The following APMAP variants were observed in gnomAD, a reference collection of about 807,000 sequenced individuals.
APMAP encodes adipocyte plasma membrane-associated protein.
Under a neutral mutation model 43.6 loss-of-function variants are expected in APMAP, and 33 were observed. The ratio of observed to expected loss-of-function variants is 0.76; its 90% CI spans 0.57 to 1.01. The LOEUF (loss-of-function observed/expected upper bound fraction) is 1.01. APMAP is among the 50% of genes least tolerant of loss of function. The pLI, the probability that APMAP is intolerant of heterozygous loss-of-function variation, is 0.00. For missense variants in APMAP, 498 were observed against 540.7 expected, an observed-to-expected ratio of 0.92 and a Z score of 0.78; for synonymous variants, 224 against 216.7, an observed-to-expected ratio of 1.03 and a Z score of -0.30.
intron 2 of APMAP, among the ~76,000 whole-genome samples, chr20:24,979,362 T>C (rs890828963): frequency 7.9e-5 from 12 of 152,166 alleles, no homozygotes; most frequent in African/African-American, 2.9e-4. Context: ...CACCGTCCCA[T>C]GGTCCAGCAC....
chr20:24,969,015 G>T lies in APMAP; in HGVS notation c.918C>A (p.Asp306Glu), dbSNP rs761546474. The change falls in exon 8 of 9, where the codon GAC becomes GAA. Residue 306 changes from aspartate to glutamate, a missense_variant. Physicochemically the swap from Asp to Glu is conservative, Grantham distance 45. Transcript: ENST00000217456. The stretch of plus-strand genomic sequence containing the variant: ...CCCCAGAGCTGCTGGGCCGGATGTT[G>T]TCTGGAAATCCAGGCATGTTCTCCA... ...LFVENMPGFP[D>E]NIRPSSSGGY... The T allele has an allele frequency of 4.3e-6, 7 of 1,613,796 alleles. No homozygotes were observed. In the African/African-American group the frequency reaches 6.7e-5, roughly 15 times the overall value.
chr20:24,984,015 A>T lies in APMAP; in HGVS notation c.100T>A (p.Phe34Ile). 8 of 1,609,734 alleles carry T rather than the reference A, an allele frequency of 5.0e-6. No individual in the cohort carries two copies. Among genetic ancestry groups the T allele is most frequent in the Non-Finnish European group, 6.8e-6 (8 of 1,176,200 alleles). ...QAPEAKDGSS[F>I]SGRVFRVTFL... ...GTCACTCGGAAAACTCTGCCGCTAA[A>T]GGAGCTGCCAGAAATAAAAGATACA... is the stretch of plus-strand genomic sequence containing the variant. Residue 34 changes from phenylalanine to isoleucine, a missense_variant, in exon 2 of 9, where the codon TTT becomes ATT. Phe to Ile is a conservative substitution (Grantham distance 21, BLOSUM62 0). Transcript: ENST00000217456.
chr20:24,964,587 C>G (rs922607468), intron 8 of APMAP, among the ~76,000 whole-genome samples: 1 of 152,116 alleles, frequency 6.6e-6, no homozygotes, highest in African/African-American at 2.4e-5. Flanking sequence ...TCCTGAGGGA[C>G]GCCTACAGGG....
intron 2 of APMAP, among the ~76,000 whole-genome samples, chr20:24,981,334 C>T (rs537762945): frequency 1.3e-4 from 20 of 152,348 alleles, no homozygotes; most frequent in Admixed American, 1.0e-3. Context: ...TGTATGATCA[C>T]GGATGGCTGG....
In APMAP at chr20:24,963,656, C is replaced by T. The variant is rs1243503816; in HGVS notation, c.*157G>A. ...AGCCCAGGTGGGGCCCGGGCATCCTCGAGGAATGAAGCAGCCATTCCCACC... is the reference window on the plus strand; with the variant it reads ...AGCCCAGGTGGGGCCCGGGCATCCTTGAGGAATGAAGCAGCCATTCCCACC... On this transcript the variant is annotated 3_prime_UTR_variant, in exon 9 of 9. Coordinates refer to ENST00000217456, the MANE Select transcript of APMAP (RefSeq NM_020531.3). 1.4e-5 allele frequency: 11 copies of T among 768,690 alleles called. No homozygotes were observed. The highest frequency in any genetic ancestry group is 1.0e-4 in the African/African-American group (6 of 57,374). 47.6% of individuals were successfully genotyped at this position (768,690 alleles called of 1,614,324 possible).
At chr20:24,973,495 G>A in intron 4 of APMAP, 150 bp downstream of exon 4, 1 of 714,064 alleles carries the variant, frequency 1.4e-6, no homozygotes, top group Non-Finnish European at 2.2e-6. Context: ...GGCAAATGAA[G>A]AGCTCGTAGT....
intron 4 of APMAP, 118 bp downstream of exon 4, chr20:24,973,526 AG>A (rs66649227): frequency 0.52 from 498,919 of 958,390 alleles, 135,746 homozygotes; most frequent in East Asian, 0.92. Context: ...TCCATCTACT[AG>A]ATGGTCAGAG....
chr20:24,978,999 G>C (rs2088077059), intron 2 of APMAP, 117 bp from the exon 3 acceptor site: 1 of 750,874 alleles, frequency 1.3e-6, no homozygotes, highest in Non-Finnish European at 2.3e-6. Flanking sequence ...AACATCCTCA[G>C]TTGCCAGAAA....
Position 24,964,005 on chromosome 20 carries a change from C to A in APMAP, c.1059G>T (p.Thr353=), listed in dbSNP as rs11550622. 1,733 of 1,614,194 alleles carry A rather than the reference C, an allele frequency of 1.1e-3. 22 individuals are homozygous for A. The African/African-American group carries it at 0.021, about 20-fold the overall frequency. The change falls in exon 9 of 9, where the codon ACG becomes ACT. Residue 353 remains threonine, a synonymous_variant. Transcript: ENST00000217456. The part of the protein sequence containing the change: ...RMIFKLFSQE[T]VMKFVPRYSL... ...TGTACCGCGGCACAAACTTCATCAC[C>A]GTCTCTTGACTAAAGAGCTAGAGGG...
intron 4 of APMAP, 145 bp from the exon 5 acceptor site, chr20:24,971,721 C>T (rs1319786166): frequency 2.7e-6 from 2 of 738,252 alleles, no homozygotes; most frequent in Non-Finnish European, 4.7e-6. Context: ...CTACAACTGC[C>T]CTGCAGGTGC....
At chr20:24,980,879 C>T (rs903671604) in intron 2 of APMAP, among the ~76,000 whole-genome samples, 4 of 152,252 alleles carry the variant, frequency 2.6e-5, no homozygotes, top group Admixed American at 6.5e-5. Context: ...CACCTCTACA[C>T]GCCAGGCAGC....
intron 1 of APMAP, among the ~76,000 whole-genome samples, chr20:24,990,930 AG>A: frequency 6.6e-6 from 1 of 152,380 alleles, no homozygotes; most frequent in South Asian, 2.1e-4. Context: ...GTTCATGGAC[AG>A]GGAAGTCAAG....
rs551862951 is a variant in APMAP, at chr20:24,968,993, C to G, written c.940G>C (p.Gly314Arg). The change falls in exon 8 of 9, where the codon GGG becomes CGG. Residue 314 changes from glycine (G) to arginine (R), a missense_variant. Gly to Arg is a moderately radical substitution (Grantham distance 125). Coordinates refer to ENST00000217456, the MANE Select transcript of APMAP (RefSeq NM_020531.3). The stretch of plus-strand genomic sequence containing the variant: ...GTCGACATGCCCACCCAGTACCCCC[C>G]AGAGCTGCTGGGCCGGATGTTGTCT... ...FPDNIRPSSS[G>R]GYWVGMSTIR... 1.9e-5 allele frequency: 31 copies of G among 1,614,090 alleles called. No individual in the cohort carries two copies. In the South Asian group the frequency reaches 2.2e-4, roughly 11 times the overall value.
chr20:24,968,440 G>A (rs1395487775), intron 8 of APMAP, among the ~76,000 whole-genome samples: 1 of 152,180 alleles, frequency 6.6e-6, no homozygotes, highest in African/African-American at 2.4e-5. Flanking sequence ...AGGTTACAGG[G>A]GTGGCCACAC....
chr20:24,964,385 C>T, intron 8 of APMAP: 1 of 503,328 alleles, frequency 2.0e-6, no homozygotes, highest in Non-Finnish European at 4.0e-6. Flanking sequence ...CAGATCACAA[C>T]CAGCGCAGCT....
intron 2 of APMAP, among the ~76,000 whole-genome samples, chr20:24,982,697 A>G (rs780884364): frequency 6.6e-5 from 10 of 152,044 alleles, no homozygotes; most frequent in Non-Finnish European, 1.5e-4. Context: ...CTGTGGACAC[A>G]GTTCACTCCC....
chr20:24,974,578 C>T (rs1005477506), intron 3 of APMAP, among the ~76,000 whole-genome samples: 3 of 152,078 alleles, frequency 2.0e-5, no homozygotes, highest in African/African-American at 7.2e-5. Context: ...AAACAAGACC[C>T]AACTCTATGT....
intron 1 of APMAP, among the ~76,000 whole-genome samples, chr20:24,989,091 G>A (rs1488439726): frequency 6.6e-6 from 1 of 152,034 alleles, no homozygotes; most frequent in Non-Finnish European, 1.5e-5. Context: ...TTTTCTCGGT[G>A]TCTGCCTCCC....
intron 1 of APMAP, among the ~76,000 whole-genome samples, chr20:24,985,646 G>T (rs1421720467): frequency 6.6e-6 from 1 of 152,200 alleles, no homozygotes; most frequent in Non-Finnish European, 1.5e-5. Flanking sequence ...TGGAAGTGGG[G>T]TGTTGCTGTA....
Sources: allele counts gnomAD v4.1 joint callset (sites outside exome capture counted in the v4.1 genomes callset), GRCh38; gene constraint gnomAD v4.1.1; transcripts MANE v1.5; gene names NCBI Gene and HGNC (gene_info 2026-07-23, HGNC 2026-07-21).